The following PCDHGB7 variants were observed in gnomAD, a reference collection of about 807,000 sequenced individuals.
PCDHGB7 encodes the protein protocadherin gamma subfamily B, 7.
A neutral mutation model predicts 61.4 loss-of-function variants in PCDHGB7; 37 were observed. The observed-to-expected ratio is 0.60, with a 90% CI of 0.46 to 0.79. PCDHGB7 has a LOEUF of 0.79. Among genes scored for constraint, PCDHGB7 ranks in the 30% least tolerant of loss-of-function variants. The pLI is 0.00. For missense variants in PCDHGB7, 1,166 were observed against 1,202.5 expected (o/e 0.97, Z 0.45); for synonymous variants, 464 against 503.5 (o/e 0.92, Z 1.05).
At chr5:141,504,303 G>A (rs1157625808) in intron 2 of PCDHGB7, among the ~76,000 whole-genome samples, 4 of 151,938 alleles carry the variant, frequency 2.6e-5, no homozygotes, top group Admixed American at 2.6e-4. Context: ...TTCAACACTC[G>A]GAGTTTCTAA....
intron 1 of PCDHGB7, among the ~76,000 whole-genome samples, chr5:141,444,110 A>C (rs1284415694): frequency 6.7e-6 from 1 of 149,880 alleles, no homozygotes; most frequent in Non-Finnish European, 1.5e-5. Flanking sequence ...AACCAAGAAA[A>C]GTGAAGTATC....
chr5:141,483,444 T>C (rs956913442), intron 1 of PCDHGB7, among the ~76,000 whole-genome samples: 1 of 152,108 alleles, frequency 6.6e-6, no homozygotes, highest in African/African-American at 2.4e-5. Context: ...TACAATAAAA[T>C]CATCAGGACT....
intron 1 of PCDHGB7, among the ~76,000 whole-genome samples, chr5:141,446,150 A>G (rs754792549): frequency 6.6e-6 from 1 of 152,216 alleles, no homozygotes; most frequent in Non-Finnish European, 1.5e-5. Flanking sequence ...GAATAGGTGG[A>G]ATATAAATTT....
At chr5:141,427,153 T>C (rs2096993361) in intron 1 of PCDHGB7, 1 of 456,886 alleles carries the variant, frequency 2.2e-6, no homozygotes, top group Non-Finnish European at 4.4e-6. Context: ...GGAAATATGT[T>C]TGTGCTAGAC....
At chr5:141,471,508 G>A (rs1262338812) in intron 1 of PCDHGB7, 3 of 152,216 alleles carry the variant, frequency 2.0e-5, no homozygotes, top group African/African-American at 7.2e-5. Context: ...AAGAGAGGGA[G>A]TAAAAATAAC....
chr5:141,423,517 T>A (rs750915364), intron 1 of PCDHGB7: 1 of 1,613,834 alleles, frequency 6.2e-7, no homozygotes, highest in Admixed American at 1.7e-5. Context: ...CATTGCGGAC[T>A]CGCAGAAGAG....
chr5:141,491,855 G>A lies in PCDHGB7; in HGVS notation c.2416-2952G>A. ...TTCTCGGGATCATTGGACCGTTTGC[G>A]CGAAACCAGAGTGGCCGATTAAGGG... On this transcript the variant is annotated intron_variant, in intron 1 of 3. Coordinates refer to ENST00000398594, the MANE Select transcript of PCDHGB7 (RefSeq NM_018927.4). The surrounding 1 kb of genome is among the most constrained non-coding windows in gnomAD (Gnocchi z 6.9). The A allele has an allele frequency of 2.7e-6, 4 of 1,459,380 alleles. No individual in the cohort carries two copies. The highest frequency in any genetic ancestry group is 3.6e-6 in the Non-Finnish European group (4 of 1,103,492). The allele number at this position is 1,459,380 out of a possible 1,614,324, so 90.4% of individuals were successfully genotyped here. A position where few individuals can be genotyped will look rare whatever the true frequency, so the allele number is the denominator to read the frequency against.
rs1257565821 is a variant in PCDHGB7, at chr5:141,487,319, C to G, written c.2416-7488C>G. ...ATTCGTGGCACTACTCTCTAAGTGTCTTCGTGGGGCAGCCTGTGGAGTCAC... is the reference window on the plus strand; with the variant it reads ...ATTCGTGGCACTACTCTCTAAGTGTGTTCGTGGGGCAGCCTGTGGAGTCAC... On this transcript the variant is annotated intron_variant, in intron 1 of 3. Transcript: ENST00000398594. The surrounding 1 kb of genome is among the most constrained non-coding windows in gnomAD (Gnocchi z 5.0). The G allele has an allele frequency of 6.2e-7, 1 of 1,614,052 alleles. No homozygotes were observed. The highest frequency in any genetic ancestry group is 1.3e-5 in the African/African-American group (1 of 74,930).
In PCDHGB7 at chr5:141,419,671, G is replaced by T. The variant is rs532058652; in HGVS notation, c.1812G>T (p.Leu604=). The change falls in exon 1 of 4, where the codon CTG becomes CTT. Residue 604 remains leucine, a synonymous_variant. Coordinates refer to ENST00000398594, the MANE Select transcript of PCDHGB7 (RefSeq NM_018927.4). ...CGGACTCGGGGCACAATGCCTGGCT[G>T]TCCTACCACGTGGTGCAGGCCAGTG... is the stretch of plus-strand genomic sequence containing the variant. The part of the protein sequence containing the change: ...VDADSGHNAW[L]SYHVVQASEP... 6.2e-7 allele frequency: 1 copy of T among 1,612,894 alleles called. No individual in the cohort carries two copies. The highest frequency in any genetic ancestry group is 2.2e-5 in the East Asian group (1 of 44,884).
chr5:141,448,956 C>A (rs2098619571), intron 1 of PCDHGB7, among the ~76,000 whole-genome samples: 1 of 151,948 alleles, frequency 6.6e-6, no homozygotes, highest in Non-Finnish European at 1.5e-5. Context: ...AAAAAACAAA[C>A]AAACAAACAA....
intron 1 of PCDHGB7, chr5:141,423,751 G>GGC: frequency 2.9e-6 from 1 of 349,040 alleles, no homozygotes; most frequent in African/African-American, 6.5e-5. Context: ...AAAACTGTTT[G>GGC]GGGGGGGGGT....
At chr5:141,483,258 T>G (rs2099579023) in intron 1 of PCDHGB7, among the ~76,000 whole-genome samples, 1 of 137,930 alleles carries the variant, frequency 7.3e-6, no homozygotes, top group South Asian at 2.1e-4. Flanking sequence ...TCATGAGGTT[T>G]TTTTGTTTTA....
intron 1 of PCDHGB7, among the ~76,000 whole-genome samples, chr5:141,466,358 A>G (rs1210013683): frequency 6.6e-6 from 1 of 152,066 alleles, no homozygotes; most frequent in Admixed American, 6.5e-5. Flanking sequence ...GCTAATCTAG[A>G]TGTAATGGTT....
In PCDHGB7 at chr5:141,432,285, C is replaced by A; in HGVS notation, c.2415+12011C>A. On this transcript the variant is annotated intron_variant, in intron 1 of 3. Transcript: ENST00000398594. The surrounding 1 kb of genome is among the most constrained non-coding windows in gnomAD (Gnocchi z 6.0). ...CTATCGTCCTACGTGTCCATCAACTCCGACACTGGGGTACTGTATGCGCTG... is the reference window on the plus strand; with the variant it reads ...CTATCGTCCTACGTGTCCATCAACTACGACACTGGGGTACTGTATGCGCTG... The A allele has an allele frequency of 6.2e-7, 1 of 1,614,262 alleles. No homozygotes were observed. The highest frequency in any genetic ancestry group is 8.5e-7 in the Non-Finnish European group (1 of 1,180,052).
chr5:141,426,317 C>A, intron 1 of PCDHGB7: 1 of 173,952 alleles, frequency 5.7e-6, no homozygotes, highest in African/African-American at 2.4e-5. Flanking sequence ...AGAAGCAGGA[C>A]CCGGCAGTGG....
In PCDHGB7 at chr5:141,495,260, G is replaced by A. The variant is rs368797742; in HGVS notation, c.2474+395G>A. On this transcript the variant is annotated intron_variant, in intron 2 of 3. Transcript: ENST00000398594. ...TATGACCTGGGGCTCAGGCAGAAAA[G>A]CATTTGACCGGAGGAGGCGGTCCGC... Among the ~76,000 whole-genome samples the A allele has an allele frequency of 3.3e-5, 5 of 152,208 alleles. No individual in the cohort carries two copies. The East Asian group carries it at 5.8e-4, about 18-fold the overall frequency.
intron 1 of PCDHGB7, chr5:141,478,473 A>G (rs2099458384): frequency 6.2e-7 from 1 of 1,613,742 alleles, no homozygotes; most frequent in African/African-American, 1.3e-5. Context: ...GCCAGCCGCC[A>G]GAACACGCTG....
chr5:141,468,230 TAGG>T (rs1451844939), intron 1 of PCDHGB7, among the ~76,000 whole-genome samples: 9 of 141,220 alleles, frequency 6.4e-5, no homozygotes, highest in South Asian at 2.2e-4. Context: ...GAGGATGAGG[TAGG>T]AGAATTGCCT....
At chr5:141,464,228 G>A (rs1196103285) in intron 1 of PCDHGB7, among the ~76,000 whole-genome samples, 1 of 148,156 alleles carries the variant, frequency 6.7e-6, no homozygotes, top group African/African-American at 2.5e-5. Context: ...TTGCGCCACT[G>A]CACTCCAGCC....
Sources: gnomAD v4.1 joint callset for allele counts (sites outside exome capture counted in the v4.1 genomes callset) on GRCh38, gnomAD v4.1.1 for gene constraint, Gnocchi (gnomAD v3.1) non-coding constraint, MANE v1.5 for transcripts, NCBI Gene and HGNC (gene_info 2026-07-23, HGNC 2026-07-21) for gene names.